KCNIP4: variants seen among roughly 807,000 people sequenced by gnomAD.
The protein encoded by KCNIP4 is Kv channel-interacting protein 4.
In KCNIP4, 12 loss-of-function variants were observed where a neutral mutation model predicts 34.0. The ratio of observed to expected loss-of-function variants is 0.35; its 90% CI spans 0.23 to 0.57. The LOEUF is 0.57. KCNIP4 is among the 20% of genes least tolerant of loss of function. The probability of loss-of-function intolerance (pLI) is 0.83; values close to 1 mark genes in which losing one functional copy is unlikely to be tolerated. For synonymous variants in KCNIP4, 124 were observed against 102.2 expected, an observed-to-expected ratio of 1.21 and a Z score of -1.29; for missense variants, 238 against 311.7, an observed-to-expected ratio of 0.76 and a Z score of 1.78.
In KCNIP4 at chr4:21,757,247, GAAAAGAAAAGAAAAGA is replaced by G. The variant is rs143867736; in HGVS notation, c.61+191308_61+191323del. ...AGAAAGAAAGAAAGAAAGAAAGAAA[GAAAAGAAAAGAAAAGA>G]AAAGAAAAGAAAAGAAAAGAAAAGA... On this transcript the variant is annotated intron_variant, in intron 1 of 8. Transcript: ENST00000382152. Among the ~76,000 whole-genome samples the G allele has an allele frequency of 6.0e-4, 13 of 21,628 alleles. 1 individual carries two copies. The highest frequency in any genetic ancestry group is 3.3e-3 in the African/African-American group (11 of 3,360). 14.2% of individuals were successfully genotyped at this position (21,628 alleles called of 152,430 possible). A position where few individuals can be genotyped will look rare whatever the true frequency, so the allele number is the denominator to read the frequency against.
intron 1 of KCNIP4, among the ~76,000 whole-genome samples, chr4:21,551,072 TTGTA>T (rs570865774): frequency 6.6e-6 from 1 of 152,146 alleles, no homozygotes; most frequent in Non-Finnish European, 1.5e-5. Flanking sequence ...ACAGTTTTTA[TTGTA>T]TGTGTCTATA....
At chr4:21,116,199 C>T (rs892186943) in intron 1 of KCNIP4, among the ~76,000 whole-genome samples, 1 of 152,160 alleles carries the variant, frequency 6.6e-6, no homozygotes, top group African/African-American at 2.4e-5. Flanking sequence ...GAAGAGTGCC[C>T]TCCAAACTGT....
chr4:20,814,958 T>C (rs1716198748), intron 3 of KCNIP4, among the ~76,000 whole-genome samples: 1 of 152,180 alleles, frequency 6.6e-6, no homozygotes, highest in Non-Finnish European at 1.5e-5. Context: ...CTGGGTTCCA[T>C]CCCTTTATTC....
intron 2 of KCNIP4, among the ~76,000 whole-genome samples, chr4:20,864,070 A>T (rs572250292): frequency 6.6e-6 from 1 of 151,394 alleles, no homozygotes; most frequent in African/African-American, 2.4e-5. Context: ...ATGTATGTAT[A>T]CGTATGTATG....
At chr4:20,896,879 C>T (rs968186999) in intron 1 of KCNIP4, among the ~76,000 whole-genome samples, 6 of 151,618 alleles carry the variant, frequency 4.0e-5, no homozygotes, top group South Asian at 2.1e-4. Context: ...CACACAGAAT[C>T]GCCAAAATGT....
chr4:21,838,786 C>A (rs1052671922), intron 1 of KCNIP4, among the ~76,000 whole-genome samples: 1 of 152,120 alleles, frequency 6.6e-6, no homozygotes, highest in Non-Finnish European at 1.5e-5. Flanking sequence ...AAACAAAAAA[C>A]CACTTCTGTA....
intron 1 of KCNIP4, among the ~76,000 whole-genome samples, chr4:21,396,886 C>T (rs1422052217): frequency 6.6e-6 from 1 of 151,998 alleles, no homozygotes; most frequent in Non-Finnish European, 1.5e-5. Flanking sequence ...TGATTTTAGC[C>T]CAGTGAAATG....
At chr4:21,225,826 A>T (rs1303578835) in intron 1 of KCNIP4, among the ~76,000 whole-genome samples, 1 of 152,154 alleles carries the variant, frequency 6.6e-6, no homozygotes, top group Non-Finnish European at 1.5e-5. Flanking sequence ...AGTTGGAGAC[A>T]AGATAGGCTT....
At chr4:20,905,234 C>A (rs370306990) in intron 1 of KCNIP4, among the ~76,000 whole-genome samples, 13 of 152,072 alleles carry the variant, frequency 8.5e-5, no homozygotes, top group African/African-American at 4.8e-5. Context: ...TGTCTTGTAT[C>A]GATGAGCACC....
At chr4:21,526,991 T>G (rs1736025366) in intron 1 of KCNIP4, among the ~76,000 whole-genome samples, 1 of 152,164 alleles carries the variant, frequency 6.6e-6, no homozygotes, top group African/African-American at 2.4e-5. Flanking sequence ...ACCCCTACCC[T>G]TAGGCTGACA....
rs1317742934 is a variant in KCNIP4, at chr4:21,019,346, C to CG, written c.62-136638dup. Reference sequence around the variant, plus strand: ...AATTTTTTTGTATTTTTAGTAAAGACGGGGTTTCACCACGTTGGCTAGACT... The same window carrying CG: ...AATTTTTTTGTATTTTTAGTAAAGACGGGGGTTTCACCACGTTGGCTAGACT... On this transcript the variant is annotated intron_variant, in intron 1 of 8. Coordinates refer to ENST00000382152, the MANE Select transcript of KCNIP4 (RefSeq NM_025221.6). Among the ~76,000 whole-genome samples the CG allele has an allele frequency of 4.6e-5, 7 of 152,000 alleles. No individual in the cohort carries two copies. The East Asian group carries it at 1.4e-3, about 29-fold the overall frequency.
intron 1 of KCNIP4, among the ~76,000 whole-genome samples, chr4:21,341,720 A>C (rs1047682404): frequency 3.3e-5 from 5 of 152,142 alleles, no homozygotes; most frequent in African/African-American, 1.2e-4. Context: ...TCTGAGATAC[A>C]TGAATCAGTT....
Position 21,283,682 on chromosome 4 carries a change from G to A in KCNIP4, c.62-400973C>T, listed in dbSNP as rs544126450. The stretch of plus-strand genomic sequence containing the variant: ...GGGGGAGGGGGGAGGGATAGCATTA[G>A]GAGATATACCTAATGCTAGATGACG... On this transcript the variant is annotated intron_variant, in intron 1 of 8. Coordinates refer to ENST00000382152, the MANE Select transcript of KCNIP4 (RefSeq NM_025221.6). Among the ~76,000 whole-genome samples the A allele has an allele frequency of 2.0e-5, 3 of 148,290 alleles. 1 individual carries two copies. The highest frequency in any genetic ancestry group is 7.5e-5 in the African/African-American group (3 of 40,254).
chr4:21,645,609 T>C (rs1746953898), intron 1 of KCNIP4, among the ~76,000 whole-genome samples: 1 of 152,124 alleles, frequency 6.6e-6, no homozygotes, highest in Non-Finnish European at 1.5e-5. Context: ...CACTATTCTG[T>C]CTAGGCTCTT....
chr4:21,273,590 T>C (rs2322885), intron 1 of KCNIP4, among the ~76,000 whole-genome samples: 42,837 of 152,072 alleles, frequency 0.28, 6,182 homozygotes, highest in South Asian at 0.38. Context: ...TTTCCATACC[T>C]TTATTCATAA....
chr4:21,233,614 G>C (rs918377689), intron 1 of KCNIP4, among the ~76,000 whole-genome samples: 1 of 151,606 alleles, frequency 6.6e-6, no homozygotes, highest in African/African-American at 2.4e-5. Context: ...GATAAGGCTT[G>C]AAGCAGAAAG....
At chr4:21,832,712 G>T (rs1172775999) in intron 1 of KCNIP4, among the ~76,000 whole-genome samples, 4 of 144,538 alleles carry the variant, frequency 2.8e-5, no homozygotes, top group Non-Finnish European at 6.0e-5. Context: ...CTAGCATTAG[G>T]TATATCTCCC....
intron 1 of KCNIP4, among the ~76,000 whole-genome samples, chr4:21,899,824 T>C (rs1727609355): frequency 6.6e-6 from 1 of 152,280 alleles, no homozygotes; most frequent in African/African-American, 2.4e-5. Flanking sequence ...CCCATGTTCA[T>C]GGATTGGAAG....
At chr4:21,349,245 T>C (rs1717763929) in intron 1 of KCNIP4, among the ~76,000 whole-genome samples, 1 of 152,172 alleles carries the variant, frequency 6.6e-6, no homozygotes, top group Non-Finnish European at 1.5e-5. Flanking sequence ...CCTAACATAT[T>C]GTAAGTGCTC....
Sources: allele counts gnomAD v4.1 joint callset (sites outside exome capture counted in the v4.1 genomes callset), GRCh38; gene constraint gnomAD v4.1.1; transcripts MANE v1.5; gene names NCBI Gene and HGNC (gene_info 2026-07-23, HGNC 2026-07-21).